Variants in REV3L observed in about 807,000 individuals in gnomAD.
The protein encoded by REV3L is DNA polymerase zeta catalytic subunit.
In REV3L, 69 loss-of-function variants were observed where a neutral mutation model predicts 299.4. That is an observed-to-expected ratio of 0.23 (90% confidence interval 0.19 to 0.28). The LOEUF (loss-of-function observed/expected upper bound fraction) is 0.28, where lower values mean the gene tolerates loss of function less well. Ranked by LOEUF, REV3L falls within the 10% of genes least tolerant of loss-of-function variation. REV3L has a pLI of 1.00. For synonymous variants in REV3L, 1,238 were observed against 1,271.4 expected (o/e 0.97, Z 0.56); for missense variants, 3,128 against 3,693.8 (o/e 0.85, Z 3.97).
At chr6:111,347,819 C>T in intron 20 of REV3L, among the ~76,000 whole-genome samples, 1 of 152,110 alleles carries the variant, frequency 6.6e-6, no homozygotes, top group East Asian at 1.9e-4. Context: ...GAATTCCTGG[C>T]CTCAAAAGGT....
At position 111,372,917 on chromosome 6, in the gene REV3L, G is replaced by A; in HGVS notation, c.5438C>T (p.Ser1813Leu). 6.2e-7 allele frequency: 1 copy of A among 1,614,076 alleles called. No individual in the cohort carries two copies. Among genetic ancestry groups the A allele is most frequent in the Non-Finnish European group, 8.5e-7 (1 of 1,180,002 alleles). Residue 1813 changes from serine (S) to leucine (L), a missense_variant, in exon 13 of 32, where the codon TCA (serine) becomes TTA (leucine). By Grantham distance (145) the Ser-to-Leu change is moderately radical. This residue lies in a region of REV3L where 2,409 missense variants were observed against 2,611.8 expected (regional missense o/e 0.92). Transcript: ENST00000368802. ...TATTGCAGTAAAAGAGGTATTGGCTGAGTCAAGAGACTGTCCCATTTCTTT... is the reference window on the plus strand; with the variant it reads ...TATTGCAGTAAAAGAGGTATTGGCTAAGTCAAGAGACTGTCCCATTTCTTT... The part of the protein sequence containing the change: ...TRKEMGQSLD[S>L]ANTSFTAILS...
In REV3L at chr6:111,376,697, A is replaced by C. The variant is rs140709825; in HGVS notation, c.1658T>G (p.Leu553Arg). The C allele has an allele frequency of 6.2e-7, 1 of 1,606,124 alleles. No homozygotes were observed. Among genetic ancestry groups the C allele is most frequent in the Non-Finnish European group, 8.5e-7 (1 of 1,179,312 alleles). Reference sequence around the variant, plus strand: ...GTGAAAGATGGAGGGTTTAACTGAAAGCTTGCTTGTTGCAATTACAGAAGA... The same window carrying C: ...GTGAAAGATGGAGGGTTTAACTGAACGCTTGCTTGTTGCAATTACAGAAGA... ...THSSVIATSK[L>R]SVKPSIFHKD... is the part of the protein sequence containing the mutation. The change falls in exon 13 of 32, where the codon CTT becomes CGT. Residue 553 changes from leucine (L) to arginine (R), a missense_variant. Coordinates refer to ENST00000368802, the MANE Select transcript of REV3L (RefSeq NM_001372078.1).
intron 1 of REV3L, among the ~76,000 whole-genome samples, chr6:111,444,313 T>C (rs957518284): frequency 7.2e-5 from 11 of 152,166 alleles, no homozygotes; most frequent in African/African-American, 1.9e-4. Flanking sequence ...AATCCAAGTA[T>C]ATACAAAATA....
chr6:111,451,450 T>C, intron 1 of REV3L, among the ~76,000 whole-genome samples: 1 of 152,184 alleles, frequency 6.6e-6, no homozygotes, highest in East Asian at 1.9e-4. Flanking sequence ...AGAGAACTTT[T>C]AGGTGCACTT....
intron 1 of REV3L, among the ~76,000 whole-genome samples, chr6:111,445,332 C>A (rs1306655853): frequency 6.6e-6 from 1 of 152,098 alleles, no homozygotes. Context: ...CAGCATCATG[C>A]AATATACCCA....
chr6:111,483,360 G>A, upstream of REV3L: 1 of 481,292 alleles, frequency 2.1e-6, no homozygotes. Flanking sequence ...GGCCGAGAAG[G>A]GGCTTTCTCC....
intron 2 of REV3L, among the ~76,000 whole-genome samples, chr6:111,415,973 C>T (rs1009932982): frequency 3.9e-5 from 6 of 152,112 alleles, no homozygotes; most frequent in African/African-American, 9.7e-5. Flanking sequence ...ATATCCCAAA[C>T]GCCTAGAACA....
At chr6:111,324,732 T>G (rs1250106773) in intron 25 of REV3L, among the ~76,000 whole-genome samples, 1 of 152,154 alleles carries the variant, frequency 6.6e-6, no homozygotes, top group Admixed American at 6.5e-5. Context: ...AGTAATTAAA[T>G]TAACAGATTC....
At chr6:111,461,056 T>C (rs533657232) in intron 1 of REV3L, among the ~76,000 whole-genome samples, 1 of 152,290 alleles carries the variant, frequency 6.6e-6, no homozygotes, top group East Asian at 1.9e-4. Context: ...GTATTTATTA[T>C]ATACTTTATC....
chr6:111,398,418 GA>G lies in REV3L; in HGVS notation c.566-5447del, dbSNP rs1053693153. On this transcript the variant is annotated intron_variant, in intron 4 of 31. Transcript: ENST00000368802. ...TATTCCTCTTTTACCCATGTGGGGG[GA>G]AAAAAAGAAAAAAGAAAAAAAAAAT... Among the ~76,000 whole-genome samples, 4 of 149,790 alleles carry G rather than the reference GA, an allele frequency of 2.7e-5. No homozygotes were observed. In the East Asian group the frequency reaches 5.9e-4, roughly 22 times the overall value.
chr6:111,377,672 A>T, intron 12 of REV3L, 29 bp downstream of exon 12: 3 of 1,596,786 alleles, frequency 1.9e-6, no homozygotes, highest in Non-Finnish European at 2.6e-6. Context: ...GTGAATAACC[A>T]ATTTCTCACA....
Position 111,377,813 on chromosome 6 carries a change from T to C in REV3L, c.1485A>G (p.Ser495=), listed in dbSNP as rs1396623244. ...CTGAAGATGAGTCATCATCTTCAGT[T>C]GAACTTCTGTGGGTATTTCTGCACA... ...RSLCRNTHRS[S]TEDDDSSSGE... The change falls in exon 12 of 32, where the codon TCA becomes TCG. Residue 495 remains serine (S), a synonymous_variant. Transcript: ENST00000368802. The C allele has an allele frequency of 6.2e-7, 1 of 1,612,862 alleles. No homozygotes were observed. Among genetic ancestry groups the C allele is most frequent in the Non-Finnish European group, 8.5e-7 (1 of 1,179,580 alleles).
Position 111,334,782 on chromosome 6 carries a change from G to C in REV3L, c.7680+687C>G, listed in dbSNP as rs182229879. Among the ~76,000 whole-genome samples the C allele has an allele frequency of 9.7e-4, 147 of 152,152 alleles. 1 individual carries two copies. The highest frequency in any genetic ancestry group is 8.8e-5 in the Non-Finnish European group (6 of 67,978). On this transcript the variant is annotated intron_variant, in intron 22 of 31. Coordinates refer to ENST00000368802, the MANE Select transcript of REV3L (RefSeq NM_001372078.1). Reference sequence around the variant, plus strand: ...TAAACAGGTAAAACAAACGTAGTTGGAACTCTATTTTTGCTATATTTACTG... The same window carrying C: ...TAAACAGGTAAAACAAACGTAGTTGCAACTCTATTTTTGCTATATTTACTG...
At chr6:111,469,935 A>G (rs531377192) in intron 1 of REV3L, among the ~76,000 whole-genome samples, 7 of 152,328 alleles carry the variant, frequency 4.6e-5, no homozygotes, top group Non-Finnish European at 8.8e-5. Context: ...AGGTGGTCAA[A>G]GAAGATTTTT....
chr6:111,365,256 T>C lies in REV3L; in HGVS notation c.6753+9A>G, dbSNP rs1181080881. The stretch of plus-strand genomic sequence containing the variant: ...TCCACTGATCTTTAAAAATGTTTAG[T>C]ATAGTTACCTTTGCTTGTGTTAACA... On this transcript the variant is annotated intron_variant, in intron 15 of 31. Transcript: ENST00000368802. 3 of 1,425,114 alleles carry C rather than the reference T, an allele frequency of 2.1e-6. No individual in the cohort carries two copies. Among genetic ancestry groups the C allele is most frequent in the Non-Finnish European group, 2.9e-6 (3 of 1,045,410 alleles). The allele number at this position is 1,425,114 out of a possible 1,614,324, so 88.3% of individuals were successfully genotyped here.
At chr6:111,458,856 C>T (rs546005382) in intron 1 of REV3L, among the ~76,000 whole-genome samples, 40 of 152,196 alleles carry the variant, frequency 2.6e-4, no homozygotes, top group Middle Eastern at 3.4e-3. Flanking sequence ...GACCATACTG[C>T]CCAAAGTAAT....
intron 1 of REV3L, among the ~76,000 whole-genome samples, chr6:111,422,808 TAA>T (rs1372897547): frequency 6.6e-6 from 1 of 150,520 alleles, no homozygotes; most frequent in Non-Finnish European, 1.5e-5. Context: ...GCATAATATA[TAA>T]CAGTTTCCTT....
rs1259178219 is a variant in REV3L, at chr6:111,299,500, A to AAAT, written c.*513_*515dup. 2 of 152,734 alleles carry AAAT rather than the reference A, an allele frequency of 1.3e-5. No homozygotes were observed. The highest frequency in any genetic ancestry group is 2.9e-5 in the Non-Finnish European group (2 of 68,106). The allele number at this position is 152,734 out of a possible 1,614,324, so 9.5% of individuals were successfully genotyped here. On this transcript the variant is annotated 3_prime_UTR_variant, in exon 32 of 32. Coordinates refer to ENST00000368802, the MANE Select transcript of REV3L (RefSeq NM_001372078.1). Reference sequence around the variant, plus strand: ...CTTTGAGTCAAGCAAAACCTAGAGGAAATATACCAAACAACTTGAAAATCA... The same window carrying AAAT: ...CTTTGAGTCAAGCAAAACCTAGAGGAAATAATATACCAAACAACTTGAAAATCA...
rs1306456773 is a variant in REV3L at position 111,425,437 on chromosome 6, C to T, written c.140-8965G>A. Among the ~76,000 whole-genome samples the T allele has an allele frequency of 3.9e-5, 6 of 151,952 alleles. No homozygotes were observed. In the East Asian group the frequency reaches 7.7e-4, roughly 20 times the overall value. Reference sequence around the variant, plus strand: ...TTGCGCCACTGCACTCCAGCCTGGGCGACAGAGTGGGACTCCATCTCAAAA... The same window carrying T: ...TTGCGCCACTGCACTCCAGCCTGGGTGACAGAGTGGGACTCCATCTCAAAA... On this transcript the variant is annotated intron_variant, in intron 1 of 31. Coordinates refer to ENST00000368802, the MANE Select transcript of REV3L (RefSeq NM_001372078.1).
Sources: gnomAD v4.1 joint callset for allele counts (sites outside exome capture counted in the v4.1 genomes callset) on GRCh38, gnomAD v4.1.1 for gene constraint, gnomAD v4.1.1 regional missense constraint, MANE v1.5 for transcripts, NCBI Gene and HGNC (gene_info 2026-07-23, HGNC 2026-07-21) for gene names.